LRFN2: variants seen among roughly 807,000 people sequenced by gnomAD.
LRFN2 encodes leucine-rich repeat and fibronectin type-III domain-containing protein 2.
A neutral mutation model predicts 37.3 loss-of-function variants in LRFN2; 18 were observed. The ratio of observed to expected loss-of-function variants is 0.48; its 90% CI spans 0.33 to 0.72. LRFN2 has a LOEUF of 0.72. LRFN2 is among the 30% of genes least tolerant of loss of function. The probability of loss-of-function intolerance (pLI) is 0.02; values close to 1 mark genes in which losing one functional copy is unlikely to be tolerated. For synonymous variants in LRFN2, 556 were observed against 466.6 expected (o/e 1.19, Z -2.47); for missense variants, 1,006 against 1,060.7 (o/e 0.95, Z 0.72).
Position 40,471,120 on chromosome 6 carries a change from T to A in LRFN2, c.-18-37989A>T, listed in dbSNP as rs998942143. Among the ~76,000 whole-genome samples the A allele has an allele frequency of 8.5e-5, 13 of 152,238 alleles. No individual in the cohort carries two copies. The East Asian group carries it at 2.3e-3, about 27-fold the overall frequency. On this transcript the variant is annotated intron_variant, in intron 1 of 2. Transcript: ENST00000338305. ...AGGGGGCCAGGGGCCCACAAGCTTG[T>A]TCAATCCAAGGCTGCTGGCAGGGGT...
At chr6:40,584,425 A>T (rs556757922) in intron 1 of LRFN2, among the ~76,000 whole-genome samples, 1 of 152,320 alleles carries the variant, frequency 6.6e-6, no homozygotes, top group South Asian at 2.1e-4. Flanking sequence ...ATTATATGAC[A>T]ACTCTATCCC....
At chr6:40,421,305 A>G (rs542166894) in intron 2 of LRFN2, among the ~76,000 whole-genome samples, 1 of 152,238 alleles carries the variant, frequency 6.6e-6, no homozygotes. Context: ...GGTTAAGGAC[A>G]TGCCCATGAT....
intron 1 of LRFN2, among the ~76,000 whole-genome samples, chr6:40,496,482 C>T (rs954299543): frequency 2.1e-5 from 3 of 143,618 alleles, no homozygotes; most frequent in Admixed American, 2.0e-4. Context: ...CACCCTTGGT[C>T]AGGAAGCTCA....
chr6:40,509,789 G>A (rs562450725), intron 1 of LRFN2, among the ~76,000 whole-genome samples: 4 of 151,454 alleles, frequency 2.6e-5, no homozygotes, highest in African/African-American at 9.7e-5. Flanking sequence ...AGTGGGGTGG[G>A]GGTGCATGCG....
At chr6:40,452,433 G>GTC (rs1198451587) in intron 1 of LRFN2, among the ~76,000 whole-genome samples, 1 of 152,194 alleles carries the variant, frequency 6.6e-6, no homozygotes, top group Non-Finnish European at 1.5e-5. Context: ...AGCCAGTGGT[G>GTC]TCTCCAGTCA....
At chr6:40,536,835 G>A (rs983798892) in intron 1 of LRFN2, among the ~76,000 whole-genome samples, 8 of 152,194 alleles carry the variant, frequency 5.3e-5, no homozygotes, top group East Asian at 1.9e-4. Context: ...GGCCCCTGGC[G>A]AAGGCACCCC....
In LRFN2 at chr6:40,432,406, G is replaced by C. The variant is rs1424446341; in HGVS notation, c.708C>G (p.Ser236=). 1 of 1,614,172 alleles carries C rather than the reference G, an allele frequency of 6.2e-7. No individual in the cohort carries two copies. Among genetic ancestry groups the C allele is most frequent in the Non-Finnish European group, 8.5e-7 (1 of 1,180,042 alleles). ...LTATPFAPPL[S]FSFGGNPLHC... is the part of the protein sequence containing the mutation. ...GAAGTGGGTTACCCCCAAAACTAAAGGACAAGGGTGGGGCAAAGGGTGTGG... is the reference window on the plus strand; with the variant it reads ...GAAGTGGGTTACCCCCAAAACTAAACGACAAGGGTGGGGCAAAGGGTGTGG... Residue 236 remains serine, a synonymous_variant, in exon 2 of 3, where the codon TCC becomes TCG. Transcript: ENST00000338305.
chr6:40,502,573 G>C (rs1765413306), intron 1 of LRFN2, among the ~76,000 whole-genome samples: 1 of 152,148 alleles, frequency 6.6e-6, no homozygotes, highest in Non-Finnish European at 1.5e-5. Flanking sequence ...GGAACGATGG[G>C]GAATTGGAAG....
chr6:40,500,934 G>A (rs893730095), intron 1 of LRFN2, among the ~76,000 whole-genome samples: 9 of 146,480 alleles, frequency 6.1e-5, no homozygotes, highest in Admixed American at 1.4e-4. Flanking sequence ...CCTTTTGTAC[G>A]CTTCTGTGTT....
intron 1 of LRFN2, among the ~76,000 whole-genome samples, chr6:40,435,889 T>C (rs1208146312): frequency 6.6e-6 from 1 of 152,178 alleles, no homozygotes; most frequent in East Asian, 1.9e-4. Flanking sequence ...AATTCCATTA[T>C]TGCGCCTCTT....
At chr6:40,450,279 C>T (rs1764074650) in intron 1 of LRFN2, among the ~76,000 whole-genome samples, 1 of 152,234 alleles carries the variant, frequency 6.6e-6, no homozygotes, top group Admixed American at 6.5e-5. Context: ...ACCCAGAGCT[C>T]TGCATCTCCC....
intron 1 of LRFN2, among the ~76,000 whole-genome samples, chr6:40,445,661 G>A (rs1763951696): frequency 1.3e-5 from 2 of 152,204 alleles, no homozygotes; most frequent in South Asian, 2.1e-4. Context: ...GCATCCTCAA[G>A]AGGCCCCGGC....
At chr6:40,443,198 C>T (rs995649462) in intron 1 of LRFN2, among the ~76,000 whole-genome samples, 1 of 152,170 alleles carries the variant, frequency 6.6e-6, no homozygotes, top group African/African-American at 2.4e-5. Context: ...ACAGAATCCT[C>T]ACCTGTTGGC....
chr6:40,493,263 G>A (rs1364163930), intron 1 of LRFN2, among the ~76,000 whole-genome samples: 2 of 152,104 alleles, frequency 1.3e-5, no homozygotes, highest in African/African-American at 4.8e-5. Context: ...CAGTTTCCCT[G>A]CATGCCACTC....
At chr6:40,443,989 G>A (rs115362846) in intron 1 of LRFN2, among the ~76,000 whole-genome samples, 2,649 of 152,240 alleles carry the variant, frequency 0.017, 39 homozygotes, top group Non-Finnish European at 0.026. Context: ...AGCTGGCCAA[G>A]GGAATTAGCC....
intron 1 of LRFN2, among the ~76,000 whole-genome samples, chr6:40,497,698 C>T (rs1384448347): frequency 6.6e-6 from 1 of 152,164 alleles, no homozygotes; most frequent in East Asian, 1.9e-4. Context: ...GGAGGCTCTG[C>T]AGCACAGGTG....
chr6:40,396,836 G>T (rs1458985082), intron 2 of LRFN2, among the ~76,000 whole-genome samples: 1 of 152,106 alleles, frequency 6.6e-6, no homozygotes, highest in Non-Finnish European at 1.5e-5. Context: ...TGGCTGGCAA[G>T]GTCAAGTTTG....
intron 2 of LRFN2, among the ~76,000 whole-genome samples, chr6:40,394,864 C>T (rs542773913): frequency 2.9e-4 from 44 of 152,256 alleles, no homozygotes; most frequent in Non-Finnish European, 5.0e-4. Context: ...TTGTCTGCCA[C>T]CAGGTGAGAT....
intron 1 of LRFN2, among the ~76,000 whole-genome samples, chr6:40,459,607 A>G (rs1206891276): frequency 1.3e-5 from 2 of 152,190 alleles, no homozygotes; most frequent in Non-Finnish European, 2.9e-5. Context: ...CAGGGCCCAG[A>G]ACAAATGCTA....
Sources: allele counts gnomAD v4.1 joint callset (sites outside exome capture counted in the v4.1 genomes callset), GRCh38; gene constraint gnomAD v4.1.1; transcripts MANE v1.5; gene names NCBI Gene and HGNC (gene_info 2026-07-23, HGNC 2026-07-21).